Variants in SHROOM3 observed in about 807,000 individuals in gnomAD.
The protein encoded by SHROOM3 is shroom family member 3, also known as protein Shroom3.
Under a neutral mutation model 138.6 loss-of-function variants are expected in SHROOM3, and 47 were observed. That is an observed-to-expected ratio of 0.34 (90% CI 0.27 to 0.43). The LOEUF (loss-of-function observed/expected upper bound fraction) is 0.43, where lower values mean the gene tolerates loss of function less well. SHROOM3 is among the 20% of genes least tolerant of loss of function. SHROOM3 has a pLI of 1.00. For missense variants in SHROOM3, 2,491 were observed against 2,596.5 expected (o/e 0.96, Z 0.88); for synonymous variants, 1,062 against 1,063.3 (o/e 1.00, Z 0.02).
chr4:76,588,567 G>A (rs1310167344), intron 2 of SHROOM3, among the ~76,000 whole-genome samples: 1 of 152,120 alleles, frequency 6.6e-6, no homozygotes, highest in Non-Finnish European at 1.5e-5. Context: ...GCAAACATCA[G>A]ACACCTTCTT....
chr4:76,503,865 T>C (rs1487507501), intron 1 of SHROOM3, among the ~76,000 whole-genome samples: 1 of 152,240 alleles, frequency 6.6e-6, no homozygotes, highest in Non-Finnish European at 1.5e-5. Context: ...TCTACACTTT[T>C]GTTTAAAACC....
At chr4:76,609,260 T>C (rs1426647026) in intron 2 of SHROOM3, among the ~76,000 whole-genome samples, 1 of 152,172 alleles carries the variant, frequency 6.6e-6, no homozygotes, top group Non-Finnish European at 1.5e-5. Context: ...TACATCATAG[T>C]CCATATAGAC....
intron 1 of SHROOM3, among the ~76,000 whole-genome samples, chr4:76,464,769 C>G (rs186000516): frequency 1.3e-5 from 2 of 152,274 alleles, no homozygotes; most frequent in East Asian, 3.9e-4. Context: ...GCACTTCCCT[C>G]TTTACCTTCT....
chr4:76,593,909 T>C (rs894054152), intron 2 of SHROOM3, among the ~76,000 whole-genome samples: 1 of 152,176 alleles, frequency 6.6e-6, no homozygotes, highest in Admixed American at 6.5e-5. Context: ...CAGTTTCCAA[T>C]ATTGTCACAT....
At chr4:76,595,291 T>C (rs960967091) in intron 2 of SHROOM3, among the ~76,000 whole-genome samples, 13 of 152,226 alleles carry the variant, frequency 8.5e-5, no homozygotes, top group Admixed American at 6.5e-4. Context: ...TCATTTCAGC[T>C]GACTTTGAAC....
At chr4:76,742,116 A>C in intron 5 of SHROOM3, 190 bp downstream of exon 5, 1 of 741,528 alleles carries the variant, frequency 1.3e-6, no homozygotes, top group Non-Finnish European at 2.3e-6. Context: ...TTATAAAGAT[A>C]TAGGTATCTA....
At chr4:76,748,565 A>C (rs981898061) in intron 5 of SHROOM3, among the ~76,000 whole-genome samples, 1 of 152,200 alleles carries the variant, frequency 6.6e-6, no homozygotes, top group Non-Finnish European at 1.5e-5. Flanking sequence ...ATCTTCACTA[A>C]TTGTAACTAG....
intron 1 of SHROOM3, among the ~76,000 whole-genome samples, chr4:76,527,605 C>A (rs1314187724): frequency 6.6e-6 from 1 of 152,136 alleles, no homozygotes; most frequent in East Asian, 1.9e-4. Context: ...AAAACTAACT[C>A]CAACTGGGTA....
Position 76,741,097 on chromosome 4 carries a change from C to T in SHROOM3, c.2924C>T (p.Ala975Val), listed in dbSNP as rs1361993743. ...GGGCTGCGGAGCCCCGAGGCGTCGG[C>T]CTCCGCCTCCCCGCACACGCCCCGG... ...HVGLRSPEAS[A>V]SASPHTPRER... is the part of the protein sequence containing the mutation. Residue 975 changes from alanine (A) to valine (V), a missense_variant, in exon 5 of 11, where the codon GCC becomes GTC. By Grantham distance (64) the Ala-to-Val change is moderately conservative. Coordinates refer to ENST00000296043, the MANE Select transcript of SHROOM3 (RefSeq NM_020859.4). This position sits in a 1 kb window ranked among gnomAD's most constrained non-coding sequence, Gnocchi z 6.2. The T allele has an allele frequency of 2.6e-6, 4 of 1,546,850 alleles. No homozygotes were observed. Among genetic ancestry groups the T allele is most frequent in the African/African-American group, 1.4e-5 (1 of 72,876 alleles).
intron 1 of SHROOM3, among the ~76,000 whole-genome samples, chr4:76,463,670 C>A (rs574652327): frequency 1.1e-4 from 17 of 152,318 alleles, no homozygotes; most frequent in African/African-American, 4.1e-4. Context: ...GTTTCATGGG[C>A]CAGGTCCAAA....
chr4:76,537,609 G>A (rs1733007274), intron 1 of SHROOM3, among the ~76,000 whole-genome samples: 1 of 152,138 alleles, frequency 6.6e-6, no homozygotes, highest in Non-Finnish European at 1.5e-5. Flanking sequence ...GTCATGAGAA[G>A]TCATTAGAAA....
At chr4:76,750,754 C>G (rs1166836053) in intron 6 of SHROOM3, among the ~76,000 whole-genome samples, 1 of 150,112 alleles carries the variant, frequency 6.7e-6, no homozygotes, top group Non-Finnish European at 1.5e-5. Context: ...CTGAGAAACA[C>G]AGGTGGCAAT....
chr4:76,532,057 CT>C (rs1181037950), intron 1 of SHROOM3, among the ~76,000 whole-genome samples: 2 of 132,668 alleles, frequency 1.5e-5, no homozygotes, highest in East Asian at 2.5e-4. Context: ...TCCCTCCCCC[CT>C]CCCCCCATCC....
rs1228916862 is a variant in SHROOM3, at chr4:76,664,096, T to C, written c.324-46060T>C. Among the ~76,000 whole-genome samples the C allele has an allele frequency of 6.6e-6, 1 of 152,240 alleles. No homozygotes were observed. Among genetic ancestry groups the C allele is most frequent in the East Asian group, 1.9e-4 (1 of 5,200 alleles). On this transcript the variant is annotated intron_variant, in intron 2 of 10. Transcript: ENST00000296043. The surrounding 1 kb of genome is among the most constrained non-coding windows in gnomAD (Gnocchi z 4.2). ...AAGTGGGTGAACTACTTGCTGGCTG[T>C]AAGTCTGGCGTCATTGAAAGAATAC...
intron 1 of SHROOM3, among the ~76,000 whole-genome samples, chr4:76,518,546 T>TTTC (rs1732494573): frequency 6.8e-6 from 1 of 146,408 alleles, no homozygotes; most frequent in African/African-American, 2.6e-5. Context: ...CTTCCTACCT[T>TTTC]CTTCCTTCCT....
At chr4:76,612,324 A>C (rs923008680) in intron 2 of SHROOM3, among the ~76,000 whole-genome samples, 1 of 152,192 alleles carries the variant, frequency 6.6e-6, no homozygotes, top group African/African-American at 2.4e-5. Flanking sequence ...TAGCCAAAAA[A>C]GATATAAGTG....
rs567401977 is a variant in SHROOM3 at position 76,690,805 on chromosome 4, G to C, written c.324-19351G>C. ...TCTATGTTTTGTTTGCTAAGACCTA[G>C]TTTTTCACAGAATCCTAGTCATTTG... On this transcript the variant is annotated intron_variant, in intron 2 of 10. Transcript: ENST00000296043. 4.9e-4 allele frequency among the ~76,000 whole-genome samples: 74 copies of C among 151,792 alleles called. 2 individuals carry two copies. The highest frequency in any genetic ancestry group is 4.7e-3 in the Admixed American group (71 of 15,256).
intron 4 of SHROOM3, among the ~76,000 whole-genome samples, chr4:76,735,853 AAAAAAAAAAAAAAAAAT>A (rs1331332234): frequency 3.6e-5 from 2 of 55,584 alleles, no homozygotes; most frequent in African/African-American, 1.4e-4. Flanking sequence ...AAAAAAAAAA[AAAAAAAAAAAAAAAAAT>A]ATATATATAT....
intron 2 of SHROOM3, among the ~76,000 whole-genome samples, chr4:76,647,271 G>C (rs918003108): frequency 6.6e-6 from 1 of 152,150 alleles, no homozygotes; most frequent in Non-Finnish European, 1.5e-5. Context: ...AGGGTAAGTG[G>C]GTGAGTGGTG....
Sources: allele counts gnomAD v4.1 joint callset (sites outside exome capture counted in the v4.1 genomes callset), GRCh38; gene constraint gnomAD v4.1.1; non-coding constraint Gnocchi (gnomAD v3.1); transcripts MANE v1.5; gene names NCBI Gene and HGNC (gene_info 2026-07-23, HGNC 2026-07-21).